MIS18A: variants seen among roughly 807,000 people sequenced by gnomAD.
MIS18A encodes MIS18 kinetochore protein A, also known as protein Mis18-alpha.
In MIS18A, 14 loss-of-function variants were observed where a neutral mutation model predicts 25.0. The ratio of observed to expected loss-of-function variants is 0.56; its 90% CI spans 0.37 to 0.88. MIS18A has a LOEUF of 0.88. Among genes scored for constraint, MIS18A ranks in the 40% least tolerant of loss-of-function variants. The pLI is 0.00. For synonymous variants in MIS18A, 134 were observed against 118.6 expected, an observed-to-expected ratio of 1.13 and a Z score of -0.84; for missense variants, 292 against 290.8, an observed-to-expected ratio of 1.00 and a Z score of -0.03.
At chr21:32,182,200 G>T in the MIS18A span, among the ~76,000 whole-genome samples, 1 of 152,244 alleles carries the variant, frequency 6.6e-6, no homozygotes. Context: ...AGGATTCCAT[G>T]GTCACCCTTG....
At chr21:32,165,151 T>C in the MIS18A span, among the ~76,000 whole-genome samples, 1 of 151,964 alleles carries the variant, frequency 6.6e-6, no homozygotes, top group Non-Finnish European at 1.5e-5. Context: ...CTGACCAACA[T>C]GGAGAAACCC....
the MIS18A span, among the ~76,000 whole-genome samples, chr21:32,256,831 C>A: frequency 6.6e-6 from 1 of 152,112 alleles, no homozygotes; most frequent in South Asian, 2.1e-4. Context: ...TTTTAACCAC[C>A]CATCTCAAAC....
At chr21:32,156,442 C>T in the MIS18A span, 1 of 152,134 alleles carries the variant, frequency 6.6e-6, no homozygotes, top group Admixed American at 6.6e-5. Flanking sequence ...ATGCTCCACA[C>T]AAAAGGCTAT....
the MIS18A span, among the ~76,000 whole-genome samples, chr21:32,248,992 T>A: frequency 6.6e-6 from 1 of 152,208 alleles, no homozygotes; most frequent in African/African-American, 2.4e-5. Context: ...TATTTTTCTC[T>A]TCTTTATAAA....
At chr21:32,213,257 C>T in the MIS18A span, among the ~76,000 whole-genome samples, 56,167 of 151,936 alleles carry the variant, frequency 0.37, 10,544 homozygotes, top group East Asian at 0.46. Context: ...TTGGAAACAA[C>T]CCAAATGTCC....
At chr21:32,265,329 A>G (rs2031572993), downstream of MIS18A, among the ~76,000 whole-genome samples, 1 of 152,062 alleles carries the variant, frequency 6.6e-6, no homozygotes, top group South Asian at 2.1e-4. Flanking sequence ...GGAGGTGTGG[A>G]GGGAGAGGCA....
chr21:32,243,681 G>C, the MIS18A span, among the ~76,000 whole-genome samples: 6 of 152,172 alleles, frequency 3.9e-5, no homozygotes, highest in Admixed American at 2.6e-4. Flanking sequence ...ATGTGAGCCT[G>C]TGTCCACTCA....
At chr21:32,272,278 C>T (rs1260132683) in intron 2 of MIS18A, among the ~76,000 whole-genome samples, 2 of 152,208 alleles carry the variant, frequency 1.3e-5, no homozygotes, top group Admixed American at 6.5e-5. Context: ...CTGGCACCTT[C>T]ACAACATATT....
the MIS18A span, among the ~76,000 whole-genome samples, chr21:32,187,087 G>A: frequency 1.3e-5 from 2 of 152,180 alleles, no homozygotes; most frequent in African/African-American, 4.8e-5. Flanking sequence ...GCAGCTGGGA[G>A]GGGAAGGCTT....
the MIS18A span, among the ~76,000 whole-genome samples, chr21:32,187,707 A>T: frequency 6.6e-6 from 1 of 152,192 alleles, no homozygotes; most frequent in Non-Finnish European, 1.5e-5. Context: ...GAAGAAGCAT[A>T]AAGTGCTAGG....
chr21:32,262,771 A>G, the MIS18A span, among the ~76,000 whole-genome samples: 2 of 152,228 alleles, frequency 1.3e-5, no homozygotes, highest in Non-Finnish European at 2.9e-5. Context: ...TGTTAAGCTA[A>G]TTAGTAGAGG....
chr21:32,265,432 G>A (rs1245445584), downstream of MIS18A, among the ~76,000 whole-genome samples: 1 of 152,218 alleles, frequency 6.6e-6, no homozygotes, highest in Non-Finnish European at 1.5e-5. Context: ...GGAGCAGCCA[G>A]CCAGCCCTGC....
chr21:32,253,979 G>A, the MIS18A span, among the ~76,000 whole-genome samples: 10 of 152,238 alleles, frequency 6.6e-5, no homozygotes, highest in Non-Finnish European at 1.2e-4. Context: ...GCTCACGCCT[G>A]TAATTCCAGC....
At chr21:32,220,454 C>T in the MIS18A span, among the ~76,000 whole-genome samples, 59 of 152,222 alleles carry the variant, frequency 3.9e-4, 1 homozygote, top group South Asian at 1.0e-2. Flanking sequence ...AGGACGCCCA[C>T]GCAAAAACCC....
chr21:32,197,475 A>G, the MIS18A span, among the ~76,000 whole-genome samples: 1 of 152,228 alleles, frequency 6.6e-6, no homozygotes, highest in African/African-American at 2.4e-5. Flanking sequence ...CAAGGATCCA[A>G]GAAGAAAGGT....
the MIS18A span, among the ~76,000 whole-genome samples, chr21:32,245,347 C>A: frequency 1.3e-5 from 2 of 152,186 alleles, no homozygotes; most frequent in African/African-American, 4.8e-5. Context: ...AGAATGGAAA[C>A]CCTGAAATGT....
chr21:32,268,795 GTTTT>G lies in MIS18A; in HGVS notation c.*238_*241del. The G allele has an allele frequency of 3.2e-6, 1 of 312,638 alleles. No homozygotes were observed. Among genetic ancestry groups the G allele is most frequent in the Non-Finnish European group, 5.9e-6 (1 of 169,718 alleles). The allele number at this position is 312,638 out of a possible 1,614,324, so 19.4% of individuals were successfully genotyped here. On this transcript the variant is annotated 3_prime_UTR_variant, in exon 5 of 5. Coordinates refer to ENST00000290130, the MANE Select transcript of MIS18A (RefSeq NM_018944.3). ...TATAGAAGTAATTCTACAATTTTGG[GTTTT>G]TTTTTTGAGAGAAGGTCTCACTCTG...
rs1222479593 is a variant in MIS18A at position 32,274,837 on chromosome 21, T to C, written c.394A>G (p.Asn132Asp). Residue 132 changes from asparagine (N) to aspartate (D), a missense_variant, in exon 2 of 5, where the codon AAT becomes GAT. Physicochemically the swap from Asn to Asp is conservative, Grantham distance 23. Coordinates refer to ENST00000290130, the MANE Select transcript of MIS18A (RefSeq NM_018944.3). The stretch of plus-strand genomic sequence containing the variant: ...AAATACAGTTTTACTCACCAACCAT[T>C]TTCCTTTTCACGTTTGGATAGCTTC... ...EQKLSKREKENGCVLETLCCA... is the reference protein window; with the variant it reads ...EQKLSKREKEDGCVLETLCCA... 3.7e-6 allele frequency: 6 copies of C among 1,611,502 alleles called. No individual in the cohort carries two copies. Among genetic ancestry groups the C allele is most frequent in the Non-Finnish European group, 5.1e-6 (6 of 1,178,206 alleles).
At chr21:32,194,613 C>T in the MIS18A span, among the ~76,000 whole-genome samples, 6 of 151,442 alleles carry the variant, frequency 4.0e-5, no homozygotes, top group African/African-American at 9.7e-5. Flanking sequence ...GAGCCAAGAT[C>T]GTGCCATTGC....
Sources: allele counts gnomAD v4.1 joint callset (sites outside exome capture counted in the v4.1 genomes callset), GRCh38; gene constraint gnomAD v4.1.1; transcripts MANE v1.5; gene names NCBI Gene and HGNC (gene_info 2026-07-23, HGNC 2026-07-21).